MSH3: variants seen among roughly 807,000 people sequenced by gnomAD.
MSH3 encodes the protein DNA mismatch repair protein Msh3.
A neutral mutation model predicts 123.3 loss-of-function variants in MSH3; 106 were observed. The observed-to-expected ratio is 0.86, with a 90% CI of 0.73 to 1.01. The LOEUF (loss-of-function observed/expected upper bound fraction) is 1.01. Among genes scored for constraint, MSH3 ranks in the 50% least tolerant of loss-of-function variants. The probability of loss-of-function intolerance (pLI) is 0.00; values close to 1 mark genes in which losing one functional copy is unlikely to be tolerated. For synonymous variants in MSH3, 515 were observed against 481.4 expected (o/e 1.07, Z -0.91); for missense variants, 1,459 against 1,347.6 (o/e 1.08, Z -1.29).
intron 20 of MSH3, among the ~76,000 whole-genome samples, chr5:80,834,190 T>C (rs1745468991): frequency 6.6e-6 from 1 of 152,094 alleles, no homozygotes; most frequent in African/African-American, 2.4e-5. Flanking sequence ...ATGTGTTGGC[T>C]CCTAATGCAG....
At chr5:80,720,464 T>G (rs183291690) in intron 8 of MSH3, among the ~76,000 whole-genome samples, 1 of 151,284 alleles carries the variant, frequency 6.6e-6, no homozygotes, top group African/African-American at 2.4e-5. Flanking sequence ...TGAAAAAAAT[T>G]TCCCCCTTTC....
intron 8 of MSH3, among the ~76,000 whole-genome samples, chr5:80,682,140 T>A (rs901318093): frequency 2.9e-4 from 44 of 152,334 alleles, no homozygotes; most frequent in African/African-American, 1.0e-3. Flanking sequence ...AATTTATATC[T>A]ATGGACAGAA....
At chr5:80,769,210 T>G (rs1744175286) in intron 15 of MSH3, among the ~76,000 whole-genome samples, 1 of 152,118 alleles carries the variant, frequency 6.6e-6, no homozygotes, top group South Asian at 2.1e-4. Flanking sequence ...GTAATGCAAC[T>G]TAATGTTATA....
At position 80,672,802 on chromosome 5, in the gene MSH3, C is replaced by G. The variant is rs887040509; in HGVS notation, c.971C>G (p.Ser324Ter). ...AAGGCCATTGGAGACAACAGAAGTT[C>G]ACTCTTTTCCCGGAAATTGACTGCC... ...ALKAIGDNRSSLFSRKLTALY... is the reference protein window; with the variant it reads ...ALKAIGDNRS Residue 324 changes from serine (S) to a stop codon, truncating the protein, a stop_gained, in exon 6 of 24, where the codon TCA (serine) becomes TGA (stop). Coordinates refer to ENST00000265081, the MANE Select transcript of MSH3 (RefSeq NM_002439.5). LOFTEE classifies it high-confidence loss of function. 6.2e-7 allele frequency: 1 copy of G among 1,614,104 alleles called. No homozygotes were observed. Among genetic ancestry groups the G allele is most frequent in the Admixed American group, 1.7e-5 (1 of 60,018 alleles).
At chr5:80,841,600 A>G (rs1373283753) in intron 20 of MSH3, among the ~76,000 whole-genome samples, 1 of 152,108 alleles carries the variant, frequency 6.6e-6, no homozygotes, top group Non-Finnish European at 1.5e-5. Context: ...CATTGTTCTA[A>G]CTGGAATGAG....
chr5:80,839,040 G>T lies in MSH3; in HGVS notation c.2814-15090G>T, dbSNP rs149987833. 4.3e-3 allele frequency among the ~76,000 whole-genome samples: 650 copies of T among 152,234 alleles called. 5 individuals are homozygous for T. Among genetic ancestry groups the T allele is most frequent in the African/African-American group, 0.015 (603 of 41,538 alleles). On this transcript the variant is annotated intron_variant, in intron 20 of 23. Transcript: ENST00000265081. ...CTCAATCTCTCTGAATGTCTCTATT[G>T]TTTAAGACGTGATCTGATGTTTTAA...
intron 19 of MSH3, among the ~76,000 whole-genome samples, chr5:80,805,593 C>CCT (rs1744874811): frequency 3.8e-5 from 4 of 104,496 alleles, no homozygotes; most frequent in Admixed American, 1.1e-4. Context: ...CCCCCCCTAC[C>CCT]TTTTTTTTTT....
intron 2 of MSH3, among the ~76,000 whole-genome samples, chr5:80,660,762 A>G (rs1749416484): frequency 6.6e-6 from 1 of 151,872 alleles, no homozygotes; most frequent in Admixed American, 6.6e-5. Flanking sequence ...GCCCCATATA[A>G]TCTGCAGGAA....
At chr5:80,736,313 C>G (rs1010840323) in intron 10 of MSH3, among the ~76,000 whole-genome samples, 3 of 131,932 alleles carry the variant, frequency 2.3e-5, no homozygotes, top group African/African-American at 8.5e-5. Flanking sequence ...TGTGAAAGAA[C>G]ATAACTAAGA....
chr5:80,764,935 C>T (rs1044972151), intron 13 of MSH3, among the ~76,000 whole-genome samples: 1 of 152,180 alleles, frequency 6.6e-6, no homozygotes, highest in Non-Finnish European at 1.5e-5. Flanking sequence ...TGGGGTCCTT[C>T]CCATCCTGTG....
At chr5:80,746,754 G>C (rs1337585856) in intron 12 of MSH3, 1 of 396,132 alleles carries the variant, frequency 2.5e-6, no homozygotes, top group Admixed American at 3.1e-5. Context: ...GATAGTCACA[G>C]ATTGTTTGGC....
chr5:80,741,634 G>A, intron 11 of MSH3, 86 bp downstream of exon 11: 1 of 932,074 alleles, frequency 1.1e-6, no homozygotes, highest in Non-Finnish European at 1.8e-6. Context: ...TAGAGGTACA[G>A]GTGAAAATAT....
intron 17 of MSH3, among the ~76,000 whole-genome samples, chr5:80,781,615 C>T (rs928079098): frequency 1.3e-5 from 2 of 152,068 alleles, no homozygotes; most frequent in African/African-American, 4.8e-5. Flanking sequence ...CACAGGCATG[C>T]AGTGCCACAC....
intron 17 of MSH3, 140 bp downstream of exon 17, chr5:80,778,976 A>C (rs376733301): frequency 3.2e-5 from 14 of 439,792 alleles, no homozygotes; most frequent in East Asian, 1.2e-4. Context: ...CTCTGATTTT[A>C]TTTCTTTTTT....
intron 12 of MSH3, among the ~76,000 whole-genome samples, chr5:80,754,801 T>A (rs1028396964): frequency 1.3e-5 from 2 of 152,324 alleles, no homozygotes; most frequent in African/African-American, 4.8e-5. Context: ...TTTGTTTTGG[T>A]AAACCCATAT....
At chr5:80,729,460 G>GTATATATA (rs376372477) in intron 10 of MSH3, among the ~76,000 whole-genome samples, 20 of 95,028 alleles carry the variant, frequency 2.1e-4, no homozygotes, top group South Asian at 4.1e-4. Flanking sequence ...GTGTGTGTGT[G>GTATATATA]TATATATATA....
rs1462955256 is a variant in MSH3 at position 80,775,737 on chromosome 5, CTGAT to C, written c.2300_2303del (p.Asp767GlyfsTer2). 1.3e-6 allele frequency: 2 copies of C among 1,588,376 alleles called. No individual in the cohort carries two copies. Among genetic ancestry groups the C allele is most frequent in the Non-Finnish European group, 8.6e-7 (1 of 1,157,040 alleles). ...AACTCTGCTGTATCTTGTATACCAA[CTGAT>C]TGGGTAAAGGTTGGAAGGTAGGTTT... On this transcript the variant is annotated frameshift_variant, in exon 16 of 24. Transcript: ENST00000265081. LOFTEE classifies it high-confidence loss of function.
intron 20 of MSH3, among the ~76,000 whole-genome samples, chr5:80,843,919 G>GA (rs1745671943): frequency 6.6e-6 from 1 of 151,574 alleles, no homozygotes; most frequent in African/African-American, 2.4e-5. Context: ...TCTGATCTTA[G>GA]TTATTTCTTG....
At chr5:80,719,373 T>A (rs1037003871) in intron 8 of MSH3, among the ~76,000 whole-genome samples, 2 of 152,180 alleles carry the variant, frequency 1.3e-5, no homozygotes, top group African/African-American at 2.4e-5. Flanking sequence ...AACCACATTC[T>A]GTGCAACTAG....
Sources: allele counts gnomAD v4.1 joint callset (sites outside exome capture counted in the v4.1 genomes callset), GRCh38; gene constraint gnomAD v4.1.1; transcripts MANE v1.5; gene names NCBI Gene and HGNC (gene_info 2026-07-23, HGNC 2026-07-21).